ERICH1: variants seen among roughly 807,000 people sequenced by gnomAD.
ERICH1 encodes the protein glutamate-rich protein 1.
A neutral mutation model predicts 39.6 loss-of-function variants in ERICH1; 56 were observed. The observed-to-expected ratio is 1.41, with a 90% CI of 1.14 to 1.77. The LOEUF (loss-of-function observed/expected upper bound fraction) is 1.77. Among genes scored for constraint, ERICH1 ranks in the 40% most tolerant of loss-of-function variants. The pLI is 0.00. For missense variants in ERICH1, 826 were observed against 575.4 expected, an observed-to-expected ratio of 1.44 and a Z score of -4.45; for synonymous variants, 313 against 223.6, an observed-to-expected ratio of 1.40 and a Z score of -3.57.
intron 2 of ERICH1, among the ~76,000 whole-genome samples, chr8:706,815 C>G (rs765308721): frequency 6.6e-6 from 1 of 152,056 alleles, no homozygotes; most frequent in African/African-American, 2.4e-5. Context: ...ACTCTGAAAA[C>G]TACAAAAGAT....
At chr8:695,273 T>C (rs1417567603) in intron 2 of ERICH1, among the ~76,000 whole-genome samples, 1 of 151,844 alleles carries the variant, frequency 6.6e-6, no homozygotes, top group Non-Finnish European at 1.5e-5. Context: ...CCCTCCTGGC[T>C]CTCCCACCAT....
At chr8:621,610 C>T (rs1797285955) in intron 3 of ERICH1, among the ~76,000 whole-genome samples, 3 of 151,694 alleles carry the variant, frequency 2.0e-5, no homozygotes, top group Admixed American at 2.0e-4. Flanking sequence ...GCAGAAATAA[C>T]TGACACAGAG....
chr8:687,968 G>A (rs999577743), intron 3 of ERICH1, among the ~76,000 whole-genome samples: 8 of 148,138 alleles, frequency 5.4e-5, no homozygotes, highest in Non-Finnish European at 1.0e-4. Flanking sequence ...CGGCGAGAAG[G>A]CGCCGAGAGA....
downstream of ERICH1, among the ~76,000 whole-genome samples, chr8:660,508 C>T (rs1801264203): frequency 6.6e-6 from 1 of 152,228 alleles, no homozygotes; most frequent in African/African-American, 2.4e-5. Flanking sequence ...GCCACACGAA[C>T]AGCATTCTGC....
At chr8:697,418 G>A (rs1370529253) in intron 2 of ERICH1, among the ~76,000 whole-genome samples, 1 of 152,284 alleles carries the variant, frequency 6.6e-6, no homozygotes, top group East Asian at 1.9e-4. Flanking sequence ...GGCCCACGAT[G>A]CAACTCCGTC....
In ERICH1 at chr8:700,278, CAG is replaced by C. The variant is rs1811669115; in HGVS notation, c.170-7668_170-7667del. Reference sequence around the variant, plus strand: ...ACGCGCACAGGCCCGCACAGGCGCACAGACCCGCACAGGCCCGGACACGCGCA... The same window carrying C: ...ACGCGCACAGGCCCGCACAGGCGCACACCCGCACAGGCCCGGACACGCGCA... On this transcript the variant is annotated intron_variant, in intron 2 of 5. Transcript: ENST00000262109. Among the ~76,000 whole-genome samples, 5 of 105,640 alleles carry C rather than the reference CAG, an allele frequency of 4.7e-5. 1 individual carries two copies. The highest frequency in any genetic ancestry group is 2.6e-4 in the East Asian group (1 of 3,788). 69.3% of individuals were successfully genotyped at this position (105,640 alleles called of 152,430 possible).
intron 3 of ERICH1, among the ~76,000 whole-genome samples, chr8:632,238 T>G (rs1798087292): frequency 6.6e-6 from 1 of 152,214 alleles, no homozygotes; most frequent in African/African-American, 2.4e-5. Flanking sequence ...TGTGTCGTGT[T>G]TATCTTGATA....
At chr8:716,097 C>T in intron 1 of ERICH1, 90 bp from the exon 2 acceptor site, 2 of 1,451,518 alleles carry the variant, frequency 1.4e-6, no homozygotes, top group Non-Finnish European at 1.8e-6. Flanking sequence ...TCTACACAAA[C>T]ACACACATCC....
chr8:660,510 G>A (rs1356674857), downstream of ERICH1, among the ~76,000 whole-genome samples: 1 of 152,236 alleles, frequency 6.6e-6, no homozygotes, highest in East Asian at 1.9e-4. Flanking sequence ...CACACGAACA[G>A]CATTCTGCTG....
chr8:731,016 A>G (rs1414098280), intron 1 of ERICH1, 124 bp downstream of exon 1: 10 of 1,116,058 alleles, frequency 9.0e-6, no homozygotes, highest in Non-Finnish European at 1.2e-5. Flanking sequence ...GGAGGTGGGG[A>G]GTCGGTCTGG....
At chr8:701,194 G>A (rs933288100) in intron 2 of ERICH1, among the ~76,000 whole-genome samples, 11 of 151,724 alleles carry the variant, frequency 7.3e-5, no homozygotes, top group African/African-American at 1.9e-4. Context: ...GGAGCACACC[G>A]TACCCACGGG....
chr8:698,508 C>T (rs912554408), intron 2 of ERICH1, among the ~76,000 whole-genome samples: 11 of 151,860 alleles, frequency 7.2e-5, no homozygotes, highest in Non-Finnish European at 1.2e-4. Context: ...TGAGAGCCAC[C>T]GTGCCCGGCC....
At chr8:722,853 C>T (rs536099109) in intron 1 of ERICH1, among the ~76,000 whole-genome samples, 8 of 152,288 alleles carry the variant, frequency 5.3e-5, no homozygotes, top group East Asian at 1.9e-4. Flanking sequence ...GCTGTAAAAC[C>T]GATAGGACCA....
At chr8:689,259 A>G (rs1808368840) in intron 3 of ERICH1, among the ~76,000 whole-genome samples, 2 of 152,188 alleles carry the variant, frequency 1.3e-5, no homozygotes, top group Non-Finnish European at 1.5e-5. Flanking sequence ...TTACAGGTAC[A>G]TGCCACCACA....
chr8:660,985 C>G (rs1032651441), downstream of ERICH1, among the ~76,000 whole-genome samples: 1 of 152,188 alleles, frequency 6.6e-6, no homozygotes, highest in East Asian at 1.9e-4. Flanking sequence ...GCACTGTGAC[C>G]TTGGCTCGCT....
In ERICH1 at chr8:696,577, A is replaced by T. The variant is rs188405970; in HGVS notation, c.170-3965T>A. Reference sequence around the variant, plus strand: ...CTCTCCTTCCTCCCCATCAGCCTGTACTCGCTCCTCTTACCCTCCACTCCT... The same window carrying T: ...CTCTCCTTCCTCCCCATCAGCCTGTTCTCGCTCCTCTTACCCTCCACTCCT... On this transcript the variant is annotated intron_variant, in intron 2 of 5. Coordinates refer to ENST00000262109, the MANE Select transcript of ERICH1 (RefSeq NM_207332.3). 2.1e-3 allele frequency among the ~76,000 whole-genome samples: 76 copies of T among 36,444 alleles called. 14 individuals are homozygous for T. The highest frequency in any genetic ancestry group is 0.028 in the Middle Eastern group (1 of 36). 23.9% of individuals were successfully genotyped at this position (36,444 alleles called of 152,430 possible).
chr8:666,590 T>C (rs883085), intron 5 of ERICH1: 1 of 152,272 alleles, frequency 6.6e-6, no homozygotes, highest in Admixed American at 6.5e-5. Context: ...TCGTTTCTCA[T>C]GGTCCCTGGT....
rs1815883034 is a variant in ERICH1 at position 715,985 on chromosome 8, C to T, written c.45G>A (p.Gln15=). ...RKHVFVEKVL[Q]RLFPPVPSGQ... ...CACTTGGAACAGGAGGAAAAAGTCT[C>T]TGCAGCACCTTCTCCACAAACACTG... is the stretch of plus-strand genomic sequence containing the variant. The change falls in exon 2 of 6, where the codon CAG becomes CAA. Residue 15 remains glutamine (Q), a synonymous_variant. Transcript: ENST00000262109. 6.2e-7 allele frequency: 1 copy of T among 1,611,444 alleles called. No individual in the cohort carries two copies. The highest frequency in any genetic ancestry group is 2.2e-5 in the East Asian group (1 of 44,842).
intron 3 of ERICH1, among the ~76,000 whole-genome samples, chr8:627,564 G>A (rs934092934): frequency 6.6e-6 from 1 of 152,222 alleles, no homozygotes; most frequent in African/African-American, 2.4e-5. Flanking sequence ...GAACCATGTG[G>A]CCAGGGGGTA....
Sources: allele counts gnomAD v4.1 joint callset (sites outside exome capture counted in the v4.1 genomes callset), GRCh38; gene constraint gnomAD v4.1.1; transcripts MANE v1.5; gene names NCBI Gene and HGNC (gene_info 2026-07-23, HGNC 2026-07-21).